FER: variants seen among roughly 807,000 people sequenced by gnomAD.
The protein encoded by FER is tyrosine-protein kinase Fer.
In FER, 63 loss-of-function variants were observed where a neutral mutation model predicts 111.0. That is an observed-to-expected ratio of 0.57 (90% CI 0.46 to 0.70). The LOEUF (loss-of-function observed/expected upper bound fraction) is 0.70, where lower values mean the gene tolerates loss of function less well. FER is among the 30% of genes least tolerant of loss of function. The pLI, the probability that FER is intolerant of heterozygous loss-of-function variation, is 0.00. For missense variants in FER, 914 were observed against 954.0 expected (o/e 0.96, Z 0.55); for synonymous variants, 327 against 313.9 (o/e 1.04, Z -0.44).
chr5:108,988,904 C>T (rs895611999), intron 13 of FER, among the ~76,000 whole-genome samples: 6 of 152,032 alleles, frequency 3.9e-5, no homozygotes, highest in Non-Finnish European at 8.8e-5. Flanking sequence ...CTCTTTCAGA[C>T]TTTTTGATGT....
intron 13 of FER, among the ~76,000 whole-genome samples, chr5:108,996,378 G>GT (rs1763981102): frequency 6.6e-6 from 1 of 152,006 alleles, no homozygotes; most frequent in Non-Finnish European, 1.5e-5. Context: ...TTTCTTCTAG[G>GT]GTTTTTATTG....
chr5:108,885,771 A>G (rs763327665), intron 9 of FER, among the ~76,000 whole-genome samples: 86 of 151,906 alleles, frequency 5.7e-4, no homozygotes, highest in African/African-American at 1.8e-3. Context: ...ACAAACATTC[A>G]GTCCATTGCA....
chr5:108,750,326 A>G (rs957909291), intron 1 of FER, among the ~76,000 whole-genome samples: 3 of 151,560 alleles, frequency 2.0e-5, no homozygotes, highest in Admixed American at 6.6e-5. Context: ...TGGTATATAT[A>G]CCTGTGTTGC....
rs200987039 is a variant in FER at position 108,835,699 on chromosome 5, C to A, written c.382-9C>A. On this transcript the variant is annotated splice_polypyrimidine_tract_variant and intron_variant, in intron 4 of 19. Transcript: ENST00000281092. ...TTTAATACATTTATGCATTTTGTTT[C>A]TTTGACAGGTTACCAAAACAGAATT... 6.5e-6 allele frequency: 10 copies of A among 1,526,910 alleles called. No individual in the cohort carries two copies. The East Asian group carries it at 1.9e-4, about 28-fold the overall frequency. 94.6% of individuals were successfully genotyped at this position (1,526,910 alleles called of 1,614,324 possible).
At chr5:108,853,876 T>C (rs1003030986) in intron 5 of FER, among the ~76,000 whole-genome samples, 1 of 152,194 alleles carries the variant, frequency 6.6e-6, no homozygotes, top group African/African-American at 2.4e-5. Context: ...ATAATTGTTG[T>C]AACCTTTTTG....
At position 109,191,989 on chromosome 5, in the gene FER, G is replaced by GAAAT. The variant is rs1759416828; in HGVS notation, c.*4416_*4419dup. 1 of 152,058 alleles carries GAAAT rather than the reference G, an allele frequency of 6.6e-6. No individual in the cohort carries two copies. Among genetic ancestry groups the GAAAT allele is most frequent in the South Asian group, 2.1e-4 (1 of 4,826 alleles). 9.4% of individuals were successfully genotyped at this position (152,058 alleles called of 1,614,324 possible). On this transcript the variant is annotated 3_prime_UTR_variant, in exon 20 of 20. Coordinates refer to ENST00000281092, the MANE Select transcript of FER (RefSeq NM_005246.4). ...TACCTTAGCCATAATTCAATTTAAT[G>GAAAT]AAATACTACCCCATTAAAAGCCATC...
chr5:108,861,672 A>C (rs1376869221), intron 5 of FER, among the ~76,000 whole-genome samples: 2 of 152,184 alleles, frequency 1.3e-5, no homozygotes, highest in Non-Finnish European at 2.9e-5. Flanking sequence ...TAATTTTAAG[A>C]GCATATGCAT....
At position 109,192,114 on chromosome 5, in the gene FER, A is replaced by G. The variant is rs1454002725; in HGVS notation, c.*4539A>G. The G allele has an allele frequency of 6.6e-6, 1 of 152,214 alleles. No individual in the cohort carries two copies. Among genetic ancestry groups the G allele is most frequent in the Non-Finnish European group, 1.5e-5 (1 of 68,026 alleles). The allele number at this position is 152,214 out of a possible 1,614,324, so 9.4% of individuals were successfully genotyped here. A position where few individuals can be genotyped will look rare whatever the true frequency, so the allele number is the denominator to read the frequency against. ...ATAAGGACTGAGATTCTTGGGTGGC[A>G]GAAAAATCCTGGTGTGCTAGATTCT... On this transcript the variant is annotated 3_prime_UTR_variant, in exon 20 of 20. Coordinates refer to ENST00000281092, the MANE Select transcript of FER (RefSeq NM_005246.4).
chr5:108,832,123 G>A (rs1204014855), intron 3 of FER, among the ~76,000 whole-genome samples: 4 of 152,132 alleles, frequency 2.6e-5, no homozygotes, highest in Non-Finnish European at 5.9e-5. Flanking sequence ...TATTGTGCTG[G>A]AAGAACTATT....
intron 17 of FER, among the ~76,000 whole-genome samples, chr5:109,147,790 TATATATATATAGAG>T (rs941853490): frequency 1.5e-5 from 2 of 133,038 alleles, no homozygotes; most frequent in African/African-American, 5.8e-5. Flanking sequence ...CATATATATA[TATATATATATAGAG>T]AGAGAGAGAG....
chr5:108,749,366 C>G (rs1750177343), intron 1 of FER, among the ~76,000 whole-genome samples: 1 of 151,920 alleles, frequency 6.6e-6, no homozygotes, highest in Non-Finnish European at 1.5e-5. Context: ...GGCGTAGTGG[C>G]TCCGCCCCGT....
rs188029514 is a variant in FER at position 109,009,799 on chromosome 5, T to C, written c.1657-27623T>C. On this transcript the variant is annotated intron_variant, in intron 13 of 19. Coordinates refer to ENST00000281092, the MANE Select transcript of FER (RefSeq NM_005246.4). ...CATGTATTTGCATTCAGCTGACAGG[T>C]TGATTAAGGGATGGGTTCAGTTGAG... Among the ~76,000 whole-genome samples the C allele has an allele frequency of 1.4e-3, 213 of 152,248 alleles. 2 individuals carry two copies. The highest frequency in any genetic ancestry group is 2.0e-3 in the Non-Finnish European group (137 of 68,010).
chr5:109,099,938 G>T (rs1748017081), intron 16 of FER, among the ~76,000 whole-genome samples: 1 of 151,540 alleles, frequency 6.6e-6, no homozygotes, highest in East Asian at 1.9e-4. Flanking sequence ...AATTTTTTAA[G>T]CAATCACTGA....
intron 10 of FER, among the ~76,000 whole-genome samples, chr5:108,899,902 A>T (rs1392970868): frequency 6.6e-6 from 1 of 152,160 alleles, no homozygotes; most frequent in Non-Finnish European, 1.5e-5. Context: ...TTTCTGAGGT[A>T]GTGTATAGTG....
At chr5:108,966,305 G>T (rs1362433549) in intron 13 of FER, among the ~76,000 whole-genome samples, 1 of 151,456 alleles carries the variant, frequency 6.6e-6, no homozygotes, top group Admixed American at 6.6e-5. Flanking sequence ...TGAAAGGCAG[G>T]ATTTGATATT....
chr5:108,990,239 T>C (rs965014034), intron 13 of FER, among the ~76,000 whole-genome samples: 1 of 151,932 alleles, frequency 6.6e-6, no homozygotes, highest in African/African-American at 2.4e-5. Flanking sequence ...GAAGGAAACA[T>C]GATTTTGCTA....
chr5:109,159,250 A>C (rs1755735136), intron 17 of FER, among the ~76,000 whole-genome samples: 1 of 152,164 alleles, frequency 6.6e-6, no homozygotes, highest in Admixed American at 6.6e-5. Flanking sequence ...TAGTTCTAAA[A>C]ACCCTACTCT....
chr5:108,917,860 G>C (rs115870246), intron 10 of FER, among the ~76,000 whole-genome samples: 4 of 152,300 alleles, frequency 2.6e-5, no homozygotes, highest in Non-Finnish European at 5.9e-5. Context: ...TCAGAGATAA[G>C]ACTGTGCTCC....
intron 6 of FER, among the ~76,000 whole-genome samples, chr5:108,869,614 C>T (rs1351498932): frequency 2.6e-5 from 4 of 152,006 alleles, no homozygotes; most frequent in African/African-American, 9.7e-5. Context: ...AGATTGACAT[C>T]GTTTTCTTTG....
Sources: allele counts gnomAD v4.1 joint callset (sites outside exome capture counted in the v4.1 genomes callset), GRCh38; gene constraint gnomAD v4.1.1; transcripts MANE v1.5; gene names NCBI Gene and HGNC (gene_info 2026-07-23, HGNC 2026-07-21).